Variants in YTHDF3 observed in about 807,000 individuals in gnomAD.
YTHDF3 encodes the protein YTH N6-methyladenosine RNA binding protein F3.
In YTHDF3, 9 loss-of-function variants were observed where a neutral mutation model predicts 52.5. The observed-to-expected ratio is 0.17, with a 90% CI of 0.10 to 0.30. YTHDF3 has a LOEUF of 0.30. YTHDF3 is among the 10% of genes least tolerant of loss of function. The pLI, the probability that YTHDF3 is intolerant of heterozygous loss-of-function variation, is 1.00. For missense variants in YTHDF3, 534 were observed against 715.0 expected, an observed-to-expected ratio of 0.75 and a Z score of 2.89; for synonymous variants, 274 against 243.3, an observed-to-expected ratio of 1.13 and a Z score of -1.18.
Position 63,212,578 on chromosome 8 carries a change from T to C in YTHDF3, c.*2872T>C, listed in dbSNP as rs1810421355. 1 of 152,652 alleles carries C rather than the reference T, an allele frequency of 6.6e-6. No homozygotes were observed. Among genetic ancestry groups the C allele is most frequent in the Non-Finnish European group, 1.5e-5 (1 of 68,048 alleles). The allele number at this position is 152,652 out of a possible 1,614,324, so 9.5% of individuals were successfully genotyped here. A position where few individuals can be genotyped will look rare whatever the true frequency, so the allele number is the denominator to read the frequency against. ...TGTTATGCCATGTAAATTCCCTTTT[T>C]CGTATGATTAAAGGAAGGTTATGAT... On this transcript the variant is annotated 3_prime_UTR_variant, in exon 5 of 5. Transcript: ENST00000539294.
At chr8:63,175,522 T>C (rs1301999522) in intron 3 of YTHDF3, 106 bp downstream of exon 3, 4 of 898,712 alleles carry the variant, frequency 4.5e-6, no homozygotes, top group Non-Finnish European at 7.0e-6. Context: ...ATGGATTCAT[T>C]CATCTAGTGT....
At chr8:63,177,185 G>C (rs1374435052) in intron 3 of YTHDF3, among the ~76,000 whole-genome samples, 4 of 152,170 alleles carry the variant, frequency 2.6e-5, no homozygotes, top group South Asian at 2.1e-4. Flanking sequence ...TGAACAGTTT[G>C]TACAGTAGAG....
chr8:63,204,699 T>G (rs138255486), intron 4 of YTHDF3, among the ~76,000 whole-genome samples: 12 of 152,336 alleles, frequency 7.9e-5, no homozygotes, highest in South Asian at 6.2e-4. Flanking sequence ...TCTGATTGCT[T>G]CTTTTTTCAG....
At chr8:63,193,589 C>T (rs1809054613) in intron 4 of YTHDF3, among the ~76,000 whole-genome samples, 1 of 151,520 alleles carries the variant, frequency 6.6e-6, no homozygotes, top group African/African-American at 2.4e-5. Flanking sequence ...GAGCCCATCT[C>T]TAAAATAAAT....
intron 4 of YTHDF3, among the ~76,000 whole-genome samples, chr8:63,193,345 C>T (rs2150383102): frequency 7.2e-6 from 1 of 138,006 alleles, no homozygotes; most frequent in African/African-American, 2.8e-5. Flanking sequence ...CACTCCACTC[C>T]AGCCTGGGTG....
intron 4 of YTHDF3, among the ~76,000 whole-genome samples, chr8:63,193,596 A>C (rs1409290993): frequency 1.3e-5 from 2 of 152,106 alleles, no homozygotes; most frequent in African/African-American, 4.8e-5. Context: ...TCTCTAAAAT[A>C]AATGAATATA....
chr8:63,182,234 ATTTTTTTTTTT>A (rs11348989), intron 3 of YTHDF3, among the ~76,000 whole-genome samples: 1 of 111,718 alleles, frequency 9.0e-6, no homozygotes, highest in African/African-American at 3.3e-5. Context: ...TGCCTGGCTA[ATTTTTTTTTTT>A]TTTTTTTTTT....
intron 4 of YTHDF3, among the ~76,000 whole-genome samples, chr8:63,194,053 G>A (rs1034293800): frequency 2.0e-5 from 3 of 151,720 alleles, no homozygotes; most frequent in South Asian, 2.1e-4. Context: ...CAAAAAAATG[G>A]CAGCAGTTCA....
At chr8:63,184,654 G>A (rs1452631680) in intron 3 of YTHDF3, among the ~76,000 whole-genome samples, 4 of 152,208 alleles carry the variant, frequency 2.6e-5, no homozygotes, top group African/African-American at 2.4e-5. Flanking sequence ...TGGAAAAGCA[G>A]CCACGAAATA....
chr8:63,196,944 A>C (rs1366161561), intron 4 of YTHDF3, among the ~76,000 whole-genome samples: 1 of 152,184 alleles, frequency 6.6e-6, no homozygotes, highest in African/African-American at 2.4e-5. Flanking sequence ...AATATCTCTC[A>C]GCAGGGACCC....
chr8:63,187,112 C>T lies in YTHDF3; in HGVS notation c.1101C>T (p.Asn367=). ...PRNRGAGFNQ[N]NGAGSENFGL... is the part of the protein sequence containing the mutation. ...ACAGGGGAGCAGGCTTCAACCAGAA[C>T]AATGGAGCGGGCAGTGAAAACTTTG... Residue 367 remains asparagine, a synonymous_variant, in exon 4 of 5, where the codon AAC becomes AAT. Coordinates refer to ENST00000539294, the MANE Select transcript of YTHDF3 (RefSeq NM_152758.6). 6.2e-7 allele frequency: 1 copy of T among 1,613,854 alleles called. No homozygotes were observed. The highest frequency in any genetic ancestry group is 8.5e-7 in the Non-Finnish European group (1 of 1,179,840).
intron 4 of YTHDF3, among the ~76,000 whole-genome samples, chr8:63,205,674 TC>T (rs1221614682): frequency 6.6e-6 from 1 of 152,214 alleles, no homozygotes; most frequent in Non-Finnish European, 1.5e-5. Flanking sequence ...CCTCAGGTGA[TC>T]CACCTGCCTT....
intron 3 of YTHDF3, among the ~76,000 whole-genome samples, chr8:63,179,902 C>T (rs545172783): frequency 5.1e-4 from 77 of 151,716 alleles, no homozygotes; most frequent in Middle Eastern, 3.4e-3. Context: ...AGGGGCTCCT[C>T]ACTTCCCAGT....
intron 4 of YTHDF3, among the ~76,000 whole-genome samples, chr8:63,209,402 T>C (rs776123516): frequency 1.3e-5 from 2 of 152,196 alleles, no homozygotes; most frequent in Non-Finnish European, 2.9e-5. Context: ...GAAAAGATGT[T>C]ATTATATTCT....
At chr8:63,173,700 G>T in intron 2 of YTHDF3, 1 of 985,168 alleles carries the variant, frequency 1.0e-6, no homozygotes, top group South Asian at 4.7e-5. Context: ...GAATCTCTTG[G>T]ACTGAAATGA....
chr8:63,208,794 A>T (rs951340944), intron 4 of YTHDF3, among the ~76,000 whole-genome samples: 2 of 152,200 alleles, frequency 1.3e-5, no homozygotes, highest in Non-Finnish European at 2.9e-5. Flanking sequence ...GATAGGAATT[A>T]TAATTTTTCT....
chr8:63,191,373 G>C (rs1216969540), intron 4 of YTHDF3, among the ~76,000 whole-genome samples: 1 of 151,900 alleles, frequency 6.6e-6, no homozygotes. Flanking sequence ...ATATTTTTCA[G>C]TGTATTTTAT....
chr8:63,209,613 T>A (rs577544890), intron 4 of YTHDF3, 70 bp from the exon 5 acceptor site: 10 of 1,422,826 alleles, frequency 7.0e-6, no homozygotes, highest in Non-Finnish European at 9.4e-6. Flanking sequence ...GTGCATATAG[T>A]TTAAATCTTT....
At chr8:63,209,170 A>G (rs572038865) in intron 4 of YTHDF3, among the ~76,000 whole-genome samples, 1 of 152,162 alleles carries the variant, frequency 6.6e-6, no homozygotes, top group South Asian at 2.1e-4. Context: ...GCCCGGCCTC[A>G]TGTTACTTTT....
Sources: allele counts gnomAD v4.1 joint callset (sites outside exome capture counted in the v4.1 genomes callset), GRCh38; gene constraint gnomAD v4.1.1; transcripts MANE v1.5; gene names NCBI Gene and HGNC (gene_info 2026-07-23, HGNC 2026-07-21).